Variants in ARL16 observed in about 807,000 individuals in gnomAD.
ARL16 encodes the protein ARF like GTPase 16.
In ARL16, 21 loss-of-function variants were observed where a neutral mutation model predicts 14.1. That is an observed-to-expected ratio of 1.48 (90% CI 1.05 to 2.14). The LOEUF is 2.14. Among genes scored for constraint, ARL16 ranks in the 30% most tolerant of loss-of-function variants. The probability of loss-of-function intolerance (pLI) is 0.00; values close to 1 mark genes in which losing one functional copy is unlikely to be tolerated. For synonymous variants in ARL16, 122 were observed against 91.8 expected (o/e 1.33, Z -1.88); for missense variants, 248 against 222.0 (o/e 1.12, Z -0.74).
intron 3 of ARL16, 50 bp from the exon 4 acceptor site, chr17:81,682,199 C>T (rs746719995): frequency 8.5e-6 from 12 of 1,406,732 alleles, no homozygotes; most frequent in Non-Finnish European, 1.2e-5. Flanking sequence ...CAAACTTCCT[C>T]CCCTGGGCCT....
Position 81,681,561 on chromosome 17 carries a change from C to T in ARL16, c.*147G>A. On this transcript the variant is annotated 3_prime_UTR_variant, in exon 5 of 5. Coordinates refer to ENST00000622299, the MANE Select transcript of ARL16 (RefSeq NM_001040025.3). ...TTCCATCTCCACATGCCTCAGTTTA[C>T]ACATCATTGCATCTCAGCACAGAGC... 3.0e-6 allele frequency: 3 copies of T among 987,550 alleles called. No homozygotes were observed. Among genetic ancestry groups the T allele is most frequent in the South Asian group, 1.8e-5 (1 of 57,122 alleles). The allele number at this position is 987,550 out of a possible 1,614,324, so 61.2% of individuals were successfully genotyped here. A position where few individuals can be genotyped will look rare whatever the true frequency, so the allele number is the denominator to read the frequency against.
In ARL16 at chr17:81,682,875, G is replaced by A. The variant is rs527527764; in HGVS notation, c.234+138C>T. 1.0e-5 allele frequency: 8 copies of A among 785,186 alleles called. No homozygotes were observed. In the African/African-American group the frequency reaches 1.0e-4, roughly 10 times the overall value. The allele number at this position is 785,186 out of a possible 1,614,324, so 48.6% of individuals were successfully genotyped here. ...GGGTGCCCAGCAGGAAGCAACACTA[G>A]CTAAGACCTATTTCCATGAGTAGTA... On this transcript the variant is annotated intron_variant, in intron 3 of 4. Transcript: ENST00000622299.
At position 81,683,717 on chromosome 17, in the gene ARL16, T is replaced by A. The variant is rs1212912780; in HGVS notation, c.37A>T (p.Thr13Ser). The change falls in exon 1 of 5, where the codon ACG becomes TCG. Residue 13 changes from threonine (T) to serine (S), a missense_variant. Transcript: ENST00000622299. ...TCCTGCAGCCGTTTCACCAGCAGCGTCTTCCCGACGCCCGTGGCCCCCAGC... is the reference window on the plus strand; with the variant it reads ...TCCTGCAGCCGTTTCACCAGCAGCGACTTCCCGACGCCCGTGGCCCCCAGC... The part of the protein sequence containing the change: ...LLLGATGVGK[T>S]LLVKRLQEVS... 2.5e-6 allele frequency: 4 copies of A among 1,607,406 alleles called. No individual in the cohort carries two copies. Among genetic ancestry groups the A allele is most frequent in the Non-Finnish European group, 1.7e-6 (2 of 1,178,126 alleles).
chr17:81,683,618 G>C, intron 1 of ARL16, 24 bp from the exon 2 acceptor site: 1 of 1,595,062 alleles, frequency 6.3e-7, no homozygotes. Context: ...AAGGACCCGA[G>C]CAGCTAAAGG....
rs1208449605 is a variant in ARL16, at chr17:81,683,131, A to G, written c.121-5T>C. Reference sequence around the variant, plus strand: ...GTCAGTAAGATTGGTGCCCACCTATAGGAAAAACCACGATGCAAAAAGAAC... The same window carrying G: ...GTCAGTAAGATTGGTGCCCACCTATGGGAAAAACCACGATGCAAAAAGAAC... On this transcript the variant is annotated splice_polypyrimidine_tract_variant and splice_region_variant and intron_variant, in intron 2 of 4. Coordinates refer to ENST00000622299, the MANE Select transcript of ARL16 (RefSeq NM_001040025.3). 3 of 1,603,140 alleles carry G rather than the reference A, an allele frequency of 1.9e-6. No individual in the cohort carries two copies. The highest frequency in any genetic ancestry group is 2.6e-6 in the Non-Finnish European group (3 of 1,175,930).
At position 81,681,497 on chromosome 17, in the gene ARL16, A is replaced by C; in HGVS notation, c.*211T>G. 1.7e-6 allele frequency: 1 copy of C among 581,334 alleles called. No individual in the cohort carries two copies. The highest frequency in any genetic ancestry group is 2.9e-6 in the Non-Finnish European group (1 of 347,808). 36.0% of individuals were successfully genotyped at this position (581,334 alleles called of 1,614,324 possible). A position where few individuals can be genotyped will look rare whatever the true frequency, so the allele number is the denominator to read the frequency against. Reference sequence around the variant, plus strand: ...ATTACAGGTGTGAGCCACCATGCCTAGCCCCTGGGGACACTTTTTTCAGAG... The same window carrying C: ...ATTACAGGTGTGAGCCACCATGCCTCGCCCCTGGGGACACTTTTTTCAGAG... On this transcript the variant is annotated 3_prime_UTR_variant, in exon 5 of 5. Coordinates refer to ENST00000622299, the MANE Select transcript of ARL16 (RefSeq NM_001040025.3).
chr17:81,683,646 T>A, intron 1 of ARL16, 47 bp downstream of exon 1: 1 of 1,586,090 alleles, frequency 6.3e-7, no homozygotes, highest in Non-Finnish European at 8.6e-7. Flanking sequence ...CCCGCCCCAC[T>A]CCGGGTGCCC....
rs542142293 is a variant in ARL16 at position 81,683,331 on chromosome 17, G to A, written c.120+205C>T. 78 of 842,028 alleles carry A rather than the reference G, an allele frequency of 9.3e-5. No individual in the cohort carries two copies. In the African/African-American group the frequency reaches 1.2e-3, roughly 13 times the overall value. 52.2% of individuals were successfully genotyped at this position (842,028 alleles called of 1,614,324 possible). ...ACCAGCCACAGGAAGCCGTTGCGAG[G>A]GGAGAGGAAGTGCCCGTGGAGGGCG... On this transcript the variant is annotated intron_variant, in intron 2 of 4. Coordinates refer to ENST00000622299, the MANE Select transcript of ARL16 (RefSeq NM_001040025.3).
chr17:81,682,240 C>T lies in ARL16; in HGVS notation c.235-91G>A, dbSNP rs963881172. The T allele has an allele frequency of 1.4e-5, 12 of 883,098 alleles. No individual in the cohort carries two copies. In the African/African-American group the frequency reaches 1.7e-4, roughly 13 times the overall value. 54.7% of individuals were successfully genotyped at this position (883,098 alleles called of 1,614,324 possible). On this transcript the variant is annotated intron_variant, in intron 3 of 4. Coordinates refer to ENST00000622299, the MANE Select transcript of ARL16 (RefSeq NM_001040025.3). Reference sequence around the variant, plus strand: ...ACCTGGCACTGGGAGAGCAAAACTGCATTTTTTAATTAATTAATTTATTTT... The same window carrying T: ...ACCTGGCACTGGGAGAGCAAAACTGTATTTTTTAATTAATTAATTTATTTT...
At position 81,683,720 on chromosome 17, in the gene ARL16, T is replaced by G. The variant is rs1238590711; in HGVS notation, c.34A>C (p.Lys12Gln). Residue 12 changes from lysine to glutamine, a missense_variant, in exon 1 of 5, where the codon AAG becomes CAG. Physicochemically the swap from Lys to Gln is moderately conservative, Grantham distance 53. Coordinates refer to ENST00000622299, the MANE Select transcript of ARL16 (RefSeq NM_001040025.3). Reference sequence around the variant, plus strand: ...TGCAGCCGTTTCACCAGCAGCGTCTTCCCGACGCCCGTGGCCCCCAGCAGG... The same window carrying G: ...TGCAGCCGTTTCACCAGCAGCGTCTGCCCGACGCCCGTGGCCCCCAGCAGG... Reference protein sequence around the residue: ...CLLLGATGVGKTLLVKRLQEV... With the variant: ...CLLLGATGVGQTLLVKRLQEV... 1.9e-6 allele frequency: 3 copies of G among 1,607,516 alleles called. No homozygotes were observed. Among genetic ancestry groups the G allele is most frequent in the Non-Finnish European group, 2.5e-6 (3 of 1,178,194 alleles).
intron 2 of ARL16, 30 bp from the exon 3 acceptor site, chr17:81,683,156 C>T: frequency 6.3e-7 from 1 of 1,580,508 alleles, no homozygotes; most frequent in South Asian, 1.1e-5. Flanking sequence ...GCAAAAAGAA[C>T]AATACAACCG....
Position 81,681,745 on chromosome 17 carries a change from A to G in ARL16, c.485T>C (p.Leu162Pro). 1 of 1,608,994 alleles carries G rather than the reference A, an allele frequency of 6.2e-7. No homozygotes were observed. The highest frequency in any genetic ancestry group is 1.3e-5 in the African/African-American group (1 of 74,946). ...TCTGTGGGTGGCCTGGAGCCAGGCC[A>G]GCACCCCTGCTAAGCCAGTGCCTTC... ...AREGTGLAGV[L>P]AWLQATHRAN... Residue 162 changes from leucine to proline, a missense_variant, in exon 5 of 5, where the codon CTG becomes CCG. Transcript: ENST00000622299.
In ARL16 at chr17:81,683,587, G is replaced by A. The variant is rs2036903762; in HGVS notation, c.69C>T (p.Ser23=). Residue 23 remains serine, a synonymous_variant, in exon 2 of 5, where the codon AGC becomes AGT. Coordinates refer to ENST00000622299, the MANE Select transcript of ARL16 (RefSeq NM_001040025.3). ...TLLVKRLQEV[S]SRDGKGDLGE... ...CCAGGTCGCCTTTCCCATCCCGGGAGCTCACCTGTGCGAAGCGGTCAAGGA... is the reference window on the plus strand; with the variant it reads ...CCAGGTCGCCTTTCCCATCCCGGGAACTCACCTGTGCGAAGCGGTCAAGGA... The A allele has an allele frequency of 6.2e-7, 1 of 1,603,132 alleles. No homozygotes were observed. Among genetic ancestry groups the A allele is most frequent in the Non-Finnish European group, 8.5e-7 (1 of 1,176,288 alleles).
Position 81,681,696 on chromosome 17 carries a change from T to G in ARL16, c.*12A>C. 6.3e-7 allele frequency: 1 copy of G among 1,590,930 alleles called. No individual in the cohort carries two copies. Among genetic ancestry groups the G allele is most frequent in the Non-Finnish European group, 8.5e-7 (1 of 1,169,764 alleles). ...CTCCCCAGCTCAGGCCAGCTGCGCC[T>G]CTGCCGTGCAGTCAATCGTTGGCTC... On this transcript the variant is annotated 3_prime_UTR_variant, in exon 5 of 5. Transcript: ENST00000622299.
rs1269337808 is a variant in ARL16 at position 81,682,133 on chromosome 17, G to A, written c.251C>T (p.Ser84Phe). The A allele has an allele frequency of 6.2e-7, 1 of 1,608,236 alleles. No homozygotes were observed. The highest frequency in any genetic ancestry group is 2.2e-5 in the East Asian group (1 of 44,760). The change falls in exon 4 of 5, where the codon TCT becomes TTT. Residue 84 changes from serine to phenylalanine, a missense_variant. By Grantham distance (155) the Ser-to-Phe change is radical. Transcript: ENST00000622299. Reference protein sequence around the residue: ...CRSLLFVMDASDPTQLSASCV... With the variant: ...CRSLLFVMDAFDPTQLSASCV... Reference sequence around the variant, plus strand: ...GGATGCAGAGAGCTGGGTGGGGTCAGAGGCGTCCATCACAAACTGGGGAAA... The same window carrying A: ...GGATGCAGAGAGCTGGGTGGGGTCAAAGGCGTCCATCACAAACTGGGGAAA...
At chr17:81,682,917 C>A in intron 3 of ARL16, 96 bp downstream of exon 3, 1 of 1,138,116 alleles carries the variant, frequency 8.8e-7, no homozygotes, top group South Asian at 1.3e-5. Context: ...CTAAATAACC[C>A]AAACCCCTTT....
chr17:81,683,328 G>C, intron 2 of ARL16: 1 of 836,896 alleles, frequency 1.2e-6, no homozygotes, highest in Non-Finnish European at 1.8e-6. Context: ...AAGCCGTTGC[G>C]AGGGGAGAGG....
intron 2 of ARL16, 34 bp downstream of exon 2, chr17:81,683,502 C>A: frequency 2.0e-6 from 3 of 1,531,442 alleles, no homozygotes; most frequent in East Asian, 2.3e-5. Flanking sequence ...AGAACTGACC[C>A]CCCGCAACTC....
chr17:81,682,281 G>A (rs1456543232), intron 3 of ARL16, 132 bp from the exon 4 acceptor site: 1 of 654,150 alleles, frequency 1.5e-6, no homozygotes, highest in Non-Finnish European at 2.5e-6. Flanking sequence ...ACGAAGTCTC[G>A]CTCCGAGTGC....
Sources: gnomAD v4.1 joint callset for allele counts on GRCh38, gnomAD v4.1.1 for gene constraint, MANE v1.5 for transcripts, NCBI Gene and HGNC (gene_info 2026-07-23, HGNC 2026-07-21) for gene names.